The following XKR9 variants were observed in gnomAD, a reference collection of about 807,000 sequenced individuals.
The protein encoded by XKR9 is XK related 9, also known as XK-related protein 9.
In XKR9, 32 loss-of-function variants were observed where a neutral mutation model predicts 32.0. The observed-to-expected ratio is 1.00, with a 90% CI of 0.76 to 1.34. XKR9 has a LOEUF of 1.34. Ranked by LOEUF, XKR9 falls within the 40% of genes most tolerant of loss-of-function variation. The probability of loss-of-function intolerance (pLI) is 0.00; values close to 1 mark genes in which losing one functional copy is unlikely to be tolerated. For missense variants in XKR9, 546 were observed against 429.7 expected (o/e 1.27, Z -2.39); for synonymous variants, 168 against 143.4 (o/e 1.17, Z -1.22).
the XKR9 span, among the ~76,000 whole-genome samples, chr8:70,843,196 T>C: frequency 6.6e-6 from 1 of 152,198 alleles, no homozygotes; most frequent in Non-Finnish European, 1.5e-5. Flanking sequence ...ATTTGGTATA[T>C]AGAGGCCATA....
At chr8:70,910,856 C>T in the XKR9 span, among the ~76,000 whole-genome samples, 4 of 152,202 alleles carry the variant, frequency 2.6e-5, no homozygotes, top group East Asian at 3.8e-4. Flanking sequence ...GTAGGACTGA[C>T]GTCCTCATTT....
the XKR9 span, among the ~76,000 whole-genome samples, chr8:71,046,725 G>A: frequency 2.6e-5 from 4 of 152,170 alleles, no homozygotes; most frequent in Non-Finnish European, 4.4e-5. Context: ...TTAAGAGATC[G>A]ACTCCTCAGG....
the XKR9 span, among the ~76,000 whole-genome samples, chr8:71,052,648 G>A: frequency 6.6e-6 from 1 of 152,234 alleles, no homozygotes; most frequent in Non-Finnish European, 1.5e-5. Flanking sequence ...GATTTGCCTT[G>A]TCTCCTGGGC....
At chr8:70,993,820 A>G in the XKR9 span, among the ~76,000 whole-genome samples, 1 of 152,122 alleles carries the variant, frequency 6.6e-6, no homozygotes, top group Non-Finnish European at 1.5e-5. Context: ...AGAGAAGGTA[A>G]GTAAGGTGTG....
the XKR9 span, among the ~76,000 whole-genome samples, chr8:70,830,090 T>C: frequency 6.6e-6 from 1 of 152,204 alleles, no homozygotes; most frequent in Admixed American, 6.5e-5. Context: ...TAATTTTAGA[T>C]TTCTTATGTA....
At chr8:70,717,374 C>G (rs1004626951) in intron 4 of XKR9, among the ~76,000 whole-genome samples, 10 of 152,204 alleles carry the variant, frequency 6.6e-5, no homozygotes, top group African/African-American at 2.4e-4. Context: ...AAAATTCTGC[C>G]TGGAAACCCA....
chr8:71,001,638 C>G, the XKR9 span, among the ~76,000 whole-genome samples: 3 of 152,150 alleles, frequency 2.0e-5, no homozygotes, highest in African/African-American at 7.2e-5. Flanking sequence ...TGAATCTACT[C>G]ATTCTATAAA....
chr8:70,798,174 T>G, the XKR9 span, among the ~76,000 whole-genome samples: 1 of 152,090 alleles, frequency 6.6e-6, no homozygotes, highest in Non-Finnish European at 1.5e-5. Flanking sequence ...CTACCAGCAG[T>G]GTATAAGTGT....
intron 3 of XKR9, 152 bp from the exon 4 acceptor site, chr8:70,706,781 T>G: frequency 3.1e-5 from 19 of 620,160 alleles, no homozygotes; most frequent in East Asian, 5.7e-5. Flanking sequence ...AAAGCCACTA[T>G]GAGATGTTCA....
chr8:70,734,332 C>A lies in XKR9; in HGVS notation c.1030C>A (p.His344Asn). The change falls in exon 5 of 5, where the codon CAC (histidine) becomes AAC (asparagine). Residue 344 changes from histidine (H) to asparagine (N), a missense_variant. Transcript: ENST00000408926. The part of the protein sequence containing the change: ...LFLIVYYGSF[H>N]PNRSAETKCD... ...TCTTATTGTTTATTATGGGAGTTTT[C>A]ACCCAAACAGAAGTGCAGAAACAAA... The A allele has an allele frequency of 6.2e-7, 1 of 1,612,152 alleles. No homozygotes were observed. The highest frequency in any genetic ancestry group is 8.5e-7 in the Non-Finnish European group (1 of 1,179,462).
chr8:70,843,070 T>C, the XKR9 span, among the ~76,000 whole-genome samples: 2 of 152,250 alleles, frequency 1.3e-5, no homozygotes, highest in African/African-American at 4.8e-5. Context: ...TTCAGTGATT[T>C]CTTTTAAGTT....
the XKR9 span, among the ~76,000 whole-genome samples, chr8:70,950,729 AG>A: frequency 6.6e-6 from 1 of 151,734 alleles, no homozygotes; most frequent in Non-Finnish European, 1.5e-5. Flanking sequence ...TCTGGGGTGC[AG>A]TGGTGTGATC....
the XKR9 span, among the ~76,000 whole-genome samples, chr8:70,900,961 A>G: frequency 3.9e-5 from 6 of 152,184 alleles, no homozygotes; most frequent in African/African-American, 1.4e-4. Context: ...TTCCAGCTTC[A>G]TCCATGTCCC....
chr8:70,816,260 A>G, the XKR9 span, among the ~76,000 whole-genome samples: 1 of 152,242 alleles, frequency 6.6e-6, no homozygotes, highest in Admixed American at 6.5e-5. Flanking sequence ...CAACCTTTTC[A>G]ATAAATGGTG....
At chr8:71,051,987 G>A in the XKR9 span, among the ~76,000 whole-genome samples, 1 of 152,172 alleles carries the variant, frequency 6.6e-6, no homozygotes, top group Non-Finnish European at 1.5e-5. Flanking sequence ...TCAGGCACCA[G>A]GAGCAAAGCA....
At position 70,745,158 on chromosome 8, in the gene XKR9, C is replaced by G. The variant is rs185183589; in HGVS notation, n.352+38005C>G. On this transcript the variant is annotated intron_variant and non_coding_transcript_variant, in intron 2 of 3. Transcript: ENST00000520273. ...AAACATTTTCTTATTGGTTTTATAG[C>G]CAAGAAATAAATGGGAAGATCCTGG... Among the ~76,000 whole-genome samples the G allele has an allele frequency of 7.5e-4, 99 of 131,808 alleles. 3 individuals are homozygous for G. The highest frequency in any genetic ancestry group is 1.5e-3 in the Non-Finnish European group (83 of 56,986). The allele number at this position is 131,808 out of a possible 152,430, so 86.5% of individuals were successfully genotyped here.
the XKR9 span, among the ~76,000 whole-genome samples, chr8:71,050,874 G>A: frequency 6.0e-4 from 91 of 152,274 alleles, no homozygotes; most frequent in East Asian, 6.0e-3. Context: ...GATTCAGAAT[G>A]TCAGTGCTTT....
At chr8:70,849,370 G>A in the XKR9 span, among the ~76,000 whole-genome samples, 1 of 152,254 alleles carries the variant, frequency 6.6e-6, no homozygotes, top group Middle Eastern at 3.4e-3. Flanking sequence ...TGACTACTGG[G>A]TAAATAACAA....
At chr8:70,893,153 A>G in the XKR9 span, among the ~76,000 whole-genome samples, 2 of 152,148 alleles carry the variant, frequency 1.3e-5, no homozygotes, top group Admixed American at 1.3e-4. Flanking sequence ...TACTTCATTC[A>G]TCAAATTATT....
Sources: gnomAD v4.1 joint callset for allele counts (sites outside exome capture counted in the v4.1 genomes callset) on GRCh38, gnomAD v4.1.1 for gene constraint, MANE v1.5 for transcripts, NCBI Gene and HGNC (gene_info 2026-07-23, HGNC 2026-07-21) for gene names.